MAN1B1: variants seen among roughly 807,000 people sequenced by gnomAD.
The protein encoded by MAN1B1 is endoplasmic reticulum mannosyl-oligosaccharide 1,2-alpha-mannosidase.
A neutral mutation model predicts 75.5 loss-of-function variants in MAN1B1; 66 were observed. The observed-to-expected ratio is 0.87, with a 90% CI of 0.72 to 1.07. The LOEUF is 1.07. MAN1B1 is among the 50% of genes least tolerant of loss of function. The pLI is 0.00. For synonymous variants in MAN1B1, 453 were observed against 382.8 expected, an observed-to-expected ratio of 1.18 and a Z score of -2.14; for missense variants, 973 against 912.5, an observed-to-expected ratio of 1.07 and a Z score of -0.85.
At position 137,087,116 on chromosome 9, in the gene MAN1B1, ACCGCCG is replaced by A. The variant is rs538804415; in HGVS notation, c.129_134del (p.Pro44_Pro45del). 1.3e-5 allele frequency: 20 copies of A among 1,587,902 alleles called. No individual in the cohort carries two copies. Among genetic ancestry groups the A allele is most frequent in the Middle Eastern group, 1.7e-4 (1 of 5,914 alleles). ...TCGCCACCACTGTAGTCATGTACCCACCGCCGCCGCCGCCGCCTCATCGGGACTTCA... is the reference window on the plus strand; with the variant it reads ...TCGCCACCACTGTAGTCATGTACCCACCGCCGCCGCCTCATCGGGACTTCA... On this transcript the variant is annotated inframe_deletion, in exon 1 of 13. Coordinates refer to ENST00000371589, the MANE Select transcript of MAN1B1 (RefSeq NM_016219.5).
At chr9:137,108,007 C>T (rs1682484454) in intron 12 of MAN1B1, 1 of 619,490 alleles carries the variant, frequency 1.6e-6, no homozygotes, top group African/African-American at 1.9e-5. Context: ...CACTGTGGAC[C>T]AGGCCCTGTT....
chr9:137,092,386 A>G (rs559301952), intron 3 of MAN1B1, among the ~76,000 whole-genome samples: 1 of 149,732 alleles, frequency 6.7e-6, no homozygotes, highest in African/African-American at 2.5e-5. Flanking sequence ...ACATGTATAC[A>G]TCATTGAGGG....
At chr9:137,103,507 C>A (rs1381227982) in intron 8 of MAN1B1, 6 of 436,514 alleles carry the variant, frequency 1.4e-5, no homozygotes, top group Non-Finnish European at 2.7e-5. Flanking sequence ...CACGCTATTG[C>A]AGGCGTGCAG....
Position 137,088,051 on chromosome 9 carries a change from TGTCATTC to T in MAN1B1, c.220-23_220-17del, listed in dbSNP as rs778622951. On this transcript the variant is annotated splice_polypyrimidine_tract_variant and intron_variant, in intron 1 of 12. Coordinates refer to ENST00000371589, the MANE Select transcript of MAN1B1 (RefSeq NM_016219.5). ...TCCGTGTGATATATTCAGTAAGAAA[TGTCATTC>T]TCTGTACCTCCCTTAGAAATGGAAG... The T allele has an allele frequency of 6.4e-7, 1 of 1,558,264 alleles. No individual in the cohort carries two copies. The highest frequency in any genetic ancestry group is 2.2e-5 in the East Asian group (1 of 44,640).
At chr9:137,095,272 C>T (rs1830622744) in intron 3 of MAN1B1, among the ~76,000 whole-genome samples, 2 of 151,520 alleles carry the variant, frequency 1.3e-5, no homozygotes, top group Admixed American at 6.6e-5. Flanking sequence ...CCAGGTTGGT[C>T]TTGAACTCCT....
At chr9:137,106,512 T>TC in intron 9 of MAN1B1, 177 bp from the exon 10 acceptor site, 1 of 1,087,568 alleles carries the variant, frequency 9.2e-7, no homozygotes, top group Non-Finnish European at 1.3e-6. Flanking sequence ...CCGTGGCCTC[T>TC]GGGGGGGTGA....
In MAN1B1 at chr9:137,087,133, C is replaced by G. The variant is rs1263175151; in HGVS notation, c.134C>G (p.Pro45Arg). 1.3e-6 allele frequency: 2 copies of G among 1,593,324 alleles called. No individual in the cohort carries two copies. The highest frequency in any genetic ancestry group is 1.7e-6 in the Non-Finnish European group (2 of 1,171,272). ...VVMYPPPPPP[P>R]HRDFISVTLS... ...ATGTACCCACCGCCGCCGCCGCCGC[C>G]TCATCGGGACTTCATCTCGGTGACG... The change falls in exon 1 of 13, where the codon CCT (proline) becomes CGT (arginine). Residue 45 changes from proline to arginine, a missense_variant. By Grantham distance (103) the Pro-to-Arg change is moderately radical. Transcript: ENST00000371589.
intron 8 of MAN1B1, chr9:137,103,029 G>C (rs1830928209): frequency 1.3e-5 from 4 of 303,290 alleles, no homozygotes; most frequent in Admixed American, 1.1e-4. Flanking sequence ...GGTCGGTGGT[G>C]TTACATTCAC....
At chr9:137,098,027 G>T (rs12554429) in intron 5 of MAN1B1, 90 bp downstream of exon 5, 2 of 984,512 alleles carry the variant, frequency 2.0e-6, no homozygotes, top group Non-Finnish European at 1.6e-6. Context: ...GGTGGGTGGC[G>T]CCCCCGCCCT....
intron 9 of MAN1B1, 61 bp downstream of exon 9, chr9:137,106,376 C>T: frequency 1.4e-6 from 2 of 1,431,120 alleles, no homozygotes; most frequent in East Asian, 2.5e-5. Context: ...GCCCCCCACT[C>T]CTGCTGCCCC....
At chr9:137,103,076 C>T in intron 8 of MAN1B1, 1 of 419,042 alleles carries the variant, frequency 2.4e-6, no homozygotes, top group South Asian at 1.6e-5. Flanking sequence ...TACACACATT[C>T]ACACTTGCAG....
At chr9:137,095,164 G>A (rs997849940) in intron 3 of MAN1B1, among the ~76,000 whole-genome samples, 5 of 152,060 alleles carry the variant, frequency 3.3e-5, no homozygotes, top group African/African-American at 1.2e-4. Flanking sequence ...CTCCGGCCTG[G>A]GTGACAAAAC....
In MAN1B1 at chr9:137,103,717, C is replaced by T. The variant is rs143355179; in HGVS notation, c.1254+2045C>T. ...TCACACTGTTGCAGGCGTGCAGGTC[C>T]GTGGTGTTACACACATGCTGTTGCA... On this transcript the variant is annotated intron_variant, in intron 8 of 12. Coordinates refer to ENST00000371589, the MANE Select transcript of MAN1B1 (RefSeq NM_016219.5). The T allele has an allele frequency of 6.8e-3, 1,080 of 159,348 alleles. 7 individuals carry two copies. Among genetic ancestry groups the T allele is most frequent in the East Asian group, 0.015 (86 of 5,696 alleles). The allele number at this position is 159,348 out of a possible 1,614,324, so 9.9% of individuals were successfully genotyped here.
intron 3 of MAN1B1, chr9:137,094,456 C>T (rs1483428303): frequency 2.3e-5 from 10 of 431,912 alleles, no homozygotes; most frequent in African/African-American, 2.0e-4. Flanking sequence ...ACTAGAGAAA[C>T]ACAGTGGAAC....
At chr9:137,105,802 T>G in intron 8 of MAN1B1, 1 of 503,150 alleles carries the variant, frequency 2.0e-6, no homozygotes, top group Non-Finnish European at 3.8e-6. Context: ...TGGTGGGCTC[T>G]CGTGAGGACA....
chr9:137,109,027 G>A lies in MAN1B1; in HGVS notation c.*436G>A. 1 of 458,948 alleles carries A rather than the reference G, an allele frequency of 2.2e-6. No homozygotes were observed. Among genetic ancestry groups the A allele is most frequent in the South Asian group, 1.5e-5 (1 of 64,572 alleles). The allele number at this position is 458,948 out of a possible 1,614,324, so 28.4% of individuals were successfully genotyped here. On this transcript the variant is annotated 3_prime_UTR_variant, in exon 13 of 13. Coordinates refer to ENST00000371589, the MANE Select transcript of MAN1B1 (RefSeq NM_016219.5). The stretch of plus-strand genomic sequence containing the variant: ...GCTGCCGTGACTCCAGAGGCCTGAG[G>A]CTCCAGGGCTGGCTCTGGTGTTTAC...
intron 8 of MAN1B1, chr9:137,105,760 G>A (rs1384889687): frequency 2.3e-5 from 10 of 426,754 alleles, no homozygotes; most frequent in Non-Finnish European, 4.1e-5. Context: ...CACACTTGCC[G>A]TCCCTCCAGA....
rs1321933007 is a variant in MAN1B1 at position 137,109,075 on chromosome 9, TG to T, written c.*486del. 2 of 454,046 alleles carry T rather than the reference TG, an allele frequency of 4.4e-6. No homozygotes were observed. The allele number at this position is 454,046 out of a possible 1,614,324, so 28.1% of individuals were successfully genotyped here. ...TACAAGCTGGACTCAGGGATCCTCC[TG>T]GCCGCCCCGCAGGGGGCTTGGAGGG... On this transcript the variant is annotated 3_prime_UTR_variant, in exon 13 of 13. Transcript: ENST00000371589.
Position 137,096,246 on chromosome 9 carries a change from A to G in MAN1B1, c.475A>G (p.Arg159Gly). The change falls in exon 4 of 13, where the codon AGA (arginine) becomes GGA (glycine). Residue 159 changes from arginine to glycine, a missense_variant. Transcript: ENST00000371589. ...ACCAATTTCTCTACAGAAGACACAA[A>G]GACACATCCAGCGGGGACCACCTCA... ...LPEISSQKTQRHIQRGPPHLQ... is the reference protein window; with the variant it reads ...LPEISSQKTQGHIQRGPPHLQ... The G allele has an allele frequency of 6.2e-7, 1 of 1,614,166 alleles. No individual in the cohort carries two copies. The highest frequency in any genetic ancestry group is 8.5e-7 in the Non-Finnish European group (1 of 1,180,026).
Sources: gnomAD v4.1 joint callset for allele counts (sites outside exome capture counted in the v4.1 genomes callset) on GRCh38, gnomAD v4.1.1 for gene constraint, MANE v1.5 for transcripts, NCBI Gene and HGNC (gene_info 2026-07-23, HGNC 2026-07-21) for gene names.